SLC14A2: variants seen among roughly 807,000 people sequenced by gnomAD.
SLC14A2 encodes the protein urea transporter 2.
Under a neutral mutation model 104.6 loss-of-function variants are expected in SLC14A2, and 91 were observed. That is an observed-to-expected ratio of 0.87 (90% CI 0.73 to 1.04). The LOEUF (loss-of-function observed/expected upper bound fraction) is 1.04. SLC14A2 is among the 50% of genes least tolerant of loss of function. SLC14A2 has a pLI of 0.00. For synonymous variants in SLC14A2, 476 were observed against 466.4 expected, an observed-to-expected ratio of 1.02 and a Z score of -0.27; for missense variants, 1,189 against 1,156.0, an observed-to-expected ratio of 1.03 and a Z score of -0.41.
upstream of SLC14A2, among the ~76,000 whole-genome samples, chr18:45,611,132 C>T (rs528859349): frequency 2.4e-4 from 36 of 152,270 alleles, no homozygotes; most frequent in African/African-American, 8.4e-4. Flanking sequence ...CCTCACCAAA[C>T]ACCAGCCTCC....
At chr18:45,420,347 A>C (rs2086329805) in intron 1 of SLC14A2, among the ~76,000 whole-genome samples, 1 of 152,210 alleles carries the variant, frequency 6.6e-6, no homozygotes, top group Admixed American at 6.5e-5. Flanking sequence ...AGTGTATTCT[A>C]TTGATCACAT....
intron 5 of SLC14A2, among the ~76,000 whole-genome samples, chr18:45,635,647 A>G (rs1018858811): frequency 6.6e-6 from 1 of 152,220 alleles, no homozygotes. Flanking sequence ...TAGCACAGAA[A>G]GCCAACCATT....
intron 3 of SLC14A2, 132 bp from the exon 4 acceptor site, chr18:45,626,826 A>AC (rs2045264248): frequency 3.2e-6 from 1 of 308,754 alleles, no homozygotes; most frequent in East Asian, 7.2e-5. Context: ...CTCCACCCCG[A>AC]CCCCTGGCCT....
chr18:45,398,780 TCA>T (rs1330774046), intron 1 of SLC14A2, among the ~76,000 whole-genome samples: 4 of 151,942 alleles, frequency 2.6e-5, no homozygotes. Context: ...GCACGCAAAC[TCA>T]CAGAGACAGA....
chr18:45,366,388 G>A (rs1390933785), intron 1 of SLC14A2, among the ~76,000 whole-genome samples: 1 of 152,116 alleles, frequency 6.6e-6, no homozygotes. Context: ...CTACCAGGTG[G>A]GGAAGGCATG....
At chr18:45,335,413 T>C (rs1029930965) in intron 1 of SLC14A2, among the ~76,000 whole-genome samples, 6 of 152,208 alleles carry the variant, frequency 3.9e-5, no homozygotes, top group Admixed American at 1.3e-4. Context: ...CTATTGAAGG[T>C]AGATTGATTG....
At position 45,505,084 on chromosome 18, in the gene SLC14A2, T is replaced by C. The variant is rs186989911; in HGVS notation, c.-35+21762T>C. Among the ~76,000 whole-genome samples the C allele has an allele frequency of 4.7e-4, 71 of 152,260 alleles. 1 individual carries two copies. Among genetic ancestry groups the C allele is most frequent in the African/African-American group, 1.6e-3 (67 of 41,544 alleles). ...AAAAGAAAAATAAAAGTAAAGTGAC[T>C]CTAGGATCAAAGGGAAATGAGGACC... On this transcript the variant is annotated intron_variant, in intron 2 of 20. Transcript: ENST00000586448.
At chr18:45,343,039 A>C (rs2085411483) in intron 1 of SLC14A2, among the ~76,000 whole-genome samples, 2 of 152,170 alleles carry the variant, frequency 1.3e-5, no homozygotes. Flanking sequence ...CAAGACTAGC[A>C]GTAGCGGGAG....
At chr18:45,242,105 G>T (rs1224840547) in intron 1 of SLC14A2, among the ~76,000 whole-genome samples, 1 of 152,106 alleles carries the variant, frequency 6.6e-6, no homozygotes, top group East Asian at 1.9e-4. Flanking sequence ...CATGATTTTG[G>T]CTTTTTCTGG....
At chr18:45,459,234 A>T (rs2246669) in intron 1 of SLC14A2, among the ~76,000 whole-genome samples, 121,403 of 152,168 alleles carry the variant, frequency 0.8, 48,725 homozygotes, top group South Asian at 0.93. Flanking sequence ...TGAGAGTCTT[A>T]GGGTGGAGAC....
intron 1 of SLC14A2, among the ~76,000 whole-genome samples, chr18:45,243,954 C>T (rs1003800189): frequency 2.6e-5 from 4 of 152,026 alleles, no homozygotes; most frequent in Admixed American, 6.6e-5. Context: ...TTATGGTATT[C>T]GGGGTAGATT....
chr18:45,649,164 ACT>A (rs1425760571), intron 10 of SLC14A2, among the ~76,000 whole-genome samples: 2 of 140,536 alleles, frequency 1.4e-5, no homozygotes, highest in Non-Finnish European at 1.5e-5. Context: ...AGCGAGTGAG[ACT>A]CTGTCTCAAA....
At chr18:45,621,970 A>T (rs1247313186) in intron 1 of SLC14A2, among the ~76,000 whole-genome samples, 1 of 152,168 alleles carries the variant, frequency 6.6e-6, no homozygotes, top group African/African-American at 2.4e-5. Flanking sequence ...ACAAGTACTA[A>T]AAGGAGGCCA....
intron 1 of SLC14A2, among the ~76,000 whole-genome samples, chr18:45,339,346 A>T (rs1292738647): frequency 6.6e-6 from 1 of 152,236 alleles, no homozygotes; most frequent in African/African-American, 2.4e-5. Flanking sequence ...CAATGAAAAC[A>T]TGCTTTCTAA....
intron 2 of SLC14A2, among the ~76,000 whole-genome samples, chr18:45,566,270 C>T (rs2044265097): frequency 6.6e-6 from 1 of 152,110 alleles, no homozygotes; most frequent in African/African-American, 2.4e-5. Context: ...GGAGTTTGCC[C>T]AAGTCACACA....
At chr18:45,620,357 A>C (rs1302852386) in intron 1 of SLC14A2, among the ~76,000 whole-genome samples, 1 of 152,226 alleles carries the variant, frequency 6.6e-6, no homozygotes, top group Non-Finnish European at 1.5e-5. Flanking sequence ...CAAATGTCAC[A>C]ATGAGGTGAG....
chr18:45,559,620 G>T (rs767989062), intron 2 of SLC14A2, among the ~76,000 whole-genome samples: 2 of 152,136 alleles, frequency 1.3e-5, no homozygotes, highest in Non-Finnish European at 2.9e-5. Flanking sequence ...AAATCCATAT[G>T]GTCCTCCCAC....
In SLC14A2 at chr18:45,645,622, T is replaced by TATATATAC. The variant is rs370081713; in HGVS notation, c.1351+1463_1351+1464insTATATACA. On this transcript the variant is annotated intron_variant, in intron 10 of 19. Coordinates refer to ENST00000255226, the MANE Select transcript of SLC14A2 (RefSeq NM_007163.4). ...CATTTGGTCTTTTTAAATATATATATACATATACAAAGATATATATAGATC... is the reference window on the plus strand; with the variant it reads ...CATTTGGTCTTTTTAAATATATATATATATATACACATATACAAAGATATATATAGATC... Among the ~76,000 whole-genome samples the TATATATAC allele has an allele frequency of 9.6e-5, 13 of 134,872 alleles. No individual in the cohort carries two copies. In the South Asian group the frequency reaches 1.8e-3, roughly 18 times the overall value. 88.5% of individuals were successfully genotyped at this position (134,872 alleles called of 152,430 possible). A position where few individuals can be genotyped will look rare whatever the true frequency, so the allele number is the denominator to read the frequency against.
chr18:45,224,176 G>A (rs546241411), intron 1 of SLC14A2, among the ~76,000 whole-genome samples: 1 of 152,340 alleles, frequency 6.6e-6, no homozygotes, highest in South Asian at 2.1e-4. Flanking sequence ...CTGCTGTGCA[G>A]TGTCCTAGAG....
Sources: gnomAD v4.1 joint callset for allele counts (sites outside exome capture counted in the v4.1 genomes callset) on GRCh38, gnomAD v4.1.1 for gene constraint, MANE v1.5 for transcripts, NCBI Gene and HGNC (gene_info 2026-07-23, HGNC 2026-07-21) for gene names.